The following PDIA2 variants were observed in gnomAD, a reference collection of about 807,000 sequenced individuals.
The protein encoded by PDIA2 is protein disulfide isomerase family A member 2, also known as protein disulfide-isomerase A2.
A neutral mutation model predicts 51.1 loss-of-function variants in PDIA2; 76 were observed. The observed-to-expected ratio is 1.49, with a 90% CI of 1.24 to 1.80. The LOEUF is 1.80. PDIA2 is among the 40% of genes most tolerant of loss of function. PDIA2 has a pLI of 0.00. For synonymous variants in PDIA2, 429 were observed against 309.9 expected (o/e 1.38, Z -4.04); for missense variants, 946 against 706.5 (o/e 1.34, Z -3.84).
rs201535947 is a variant in PDIA2, at chr16:284,742, G to A, written c.490G>A (p.Ala164Thr). 1.3e-5 allele frequency: 20 copies of A among 1,561,702 alleles called. No individual in the cohort carries two copies. In the East Asian group the frequency reaches 1.4e-4, roughly 11 times the overall value. The change falls in exon 3 of 11, where the codon GCC becomes ACC. Residue 164 changes from alanine (A) to threonine (T), a missense_variant. By Grantham distance (58) the Ala-to-Thr change is moderately conservative. Coordinates refer to ENST00000219406, the MANE Select transcript of PDIA2 (RefSeq NM_006849.4). ...CATGCGGCTGGAGGACGAGGCGGCC[G>A]CCCAGGCGCTGATCGGTGGCCGGGA... is the stretch of plus-strand genomic sequence containing the variant. ...SAMRLEDEAA[A>T]QALIGGRDLV...
At chr16:285,745 T>A (rs764971817) in intron 7 of PDIA2, 42 bp downstream of exon 7, 3 of 1,588,554 alleles carry the variant, frequency 1.9e-6, no homozygotes. Flanking sequence ...AACCCTGACC[T>A]CATCCCACCA....
chr16:283,253 C>T lies in PDIA2; in HGVS notation c.84C>T (p.Ser28=), dbSNP rs745460507. The change falls in exon 1 of 11, where the codon AGC becomes AGT. Residue 28 remains serine, a synonymous_variant. Coordinates refer to ENST00000219406, the MANE Select transcript of PDIA2 (RefSeq NM_006849.4). ...CPWGQEQGAR[S]PSEEPPEEEI... The stretch of plus-strand genomic sequence containing the variant: ...GGGGTCAGGAACAGGGAGCGAGGAG[C>T]CCCTCGGAGGAGCCTCCAGAGGAGG... 9 of 1,610,672 alleles carry T rather than the reference C, an allele frequency of 5.6e-6. No individual in the cohort carries two copies. The highest frequency in any genetic ancestry group is 1.1e-5 in the South Asian group (1 of 90,844).
chr16:283,421 A>G (rs1310246345), intron 1 of PDIA2, 53 bp downstream of exon 1: 1 of 1,503,540 alleles, frequency 6.7e-7, no homozygotes, highest in Non-Finnish European at 8.9e-7. Flanking sequence ...GGCAGAGCCC[A>G]CCTGGGGGCC....
At chr16:284,342 C>T (rs1051956545) in intron 1 of PDIA2, 45 bp from the exon 2 acceptor site, 10 of 1,511,676 alleles carry the variant, frequency 6.6e-6, no homozygotes, top group Admixed American at 5.9e-5. Context: ...AGAGGGTGCT[C>T]CTGGGGTTGT....
At chr16:284,614 TG>T (rs759907624) in intron 2 of PDIA2, 21 bp downstream of exon 2, 102 of 1,589,640 alleles carry the variant, frequency 6.4e-5, no homozygotes, top group Non-Finnish European at 7.8e-5. Context: ...GGCCGGTCAT[TG>T]GGGGGGCGGT....
At position 285,111 on chromosome 16, in the gene PDIA2, G is replaced by A. The variant is rs770087656; in HGVS notation, c.706G>A (p.Val236Met). The A allele has an allele frequency of 7.1e-5, 114 of 1,612,920 alleles. No homozygotes were observed. Among genetic ancestry groups the A allele is most frequent in the Non-Finnish European group, 8.6e-5 (101 of 1,179,998 alleles). Reference sequence around the variant, plus strand: ...TGATGAGGGGCGGGCAGACTTCCCCGTGGACGAGGAGCTTGGCCTGGACCT... The same window carrying A: ...TGATGAGGGGCGGGCAGACTTCCCCATGGACGAGGAGCTTGGCCTGGACCT... ...KFDEGRADFP[V>M]DEELGLDLGD... Residue 236 changes from valine (V) to methionine (M), a missense_variant, in exon 5 of 11, where the codon GTG (valine) becomes ATG (methionine). Physicochemically the swap from Val to Met is conservative, Grantham distance 21. Transcript: ENST00000219406.
rs771812118 is a variant in PDIA2, at chr16:285,236, C to T, written c.795+36C>T. ...TGCAGTGCCTGGGCTGGGGGTGTCC[C>T]AGGGTAGAGTCGTCCAGGGATGGGG... On this transcript the variant is annotated intron_variant, in intron 5 of 10. Coordinates refer to ENST00000219406, the MANE Select transcript of PDIA2 (RefSeq NM_006849.4). 1.1e-4 allele frequency: 180 copies of T among 1,612,666 alleles called. 1 individual carries two copies. In the East Asian group the frequency reaches 3.5e-3, roughly 32 times the overall value.
Position 283,193 on chromosome 16 carries a change from ACTGCTGCTG to A in PDIA2, c.33_41del (p.Leu12_Leu14del). On this transcript the variant is annotated inframe_deletion, in exon 1 of 11. Coordinates refer to ENST00000219406, the MANE Select transcript of PDIA2 (RefSeq NM_006849.4). ...CCATGAGCCGCCAGCTTCTGCCTGT[ACTGCTGCTG>A]CTGCTGCTCAGGGCTTCGTGCCCAT... 3 of 1,592,788 alleles carry A rather than the reference ACTGCTGCTG, an allele frequency of 1.9e-6. No homozygotes were observed. Among genetic ancestry groups the A allele is most frequent in the Non-Finnish European group, 2.6e-6 (3 of 1,169,948 alleles).
chr16:284,727 G>C lies in PDIA2; in HGVS notation c.475G>C (p.Glu159Gln). 1 of 1,568,718 alleles carries C rather than the reference G, an allele frequency of 6.4e-7. No individual in the cohort carries two copies. ...GGTGGGGCCCAGTGCCATGCGGCTG[G>C]AGGACGAGGCGGCCGCCCAGGCGCT... ...RRVGPSAMRL[E>Q]DEAAAQALIG... is the part of the protein sequence containing the mutation. The change falls in exon 3 of 11, where the codon GAG becomes CAG. Residue 159 changes from glutamate to glutamine, a missense_variant. Transcript: ENST00000219406.
At chr16:283,927 C>T (rs533798405) in intron 1 of PDIA2, among the ~76,000 whole-genome samples, 17 of 152,264 alleles carry the variant, frequency 1.1e-4, no homozygotes, top group Non-Finnish European at 2.9e-5. Flanking sequence ...TGCAGTGGCC[C>T]TATCTCGGCT....
At chr16:284,126 C>A in intron 1 of PDIA2, 1 of 554,286 alleles carries the variant, frequency 1.8e-6, no homozygotes, top group Non-Finnish European at 3.3e-6. Flanking sequence ...CCTCTGCCTC[C>A]CAAAGTGCTG....
intron 7 of PDIA2, among the ~76,000 whole-genome samples, 199 bp downstream of exon 7, chr16:285,902 TCCCAACCCCAACCCCGCGGTTCTCCCAAC>T (rs1405527468): frequency 0.05 from 2,096 of 42,024 alleles, 227 homozygotes; most frequent in African/African-American, 0.26. Context: ...CCCGCGGTTC[TCCCAACCCCAACCCCGCGGTTCTCCCAAC>T]CCCAACCCCA....
rs755639061 is a variant in PDIA2 at position 283,338 on chromosome 16, C to CG, written c.172dup (p.Glu58GlyfsTer53). ...CCGCCACACCCTGGGCCTGGCCCTG[C>CG]GGGAGCACCCTGCCCTGCTGGTGGA... On this transcript the variant is annotated frameshift_variant, in exon 1 of 11. Transcript: ENST00000219406. LOFTEE classifies it high-confidence loss of function. The CG allele has an allele frequency of 1.2e-6, 2 of 1,607,044 alleles. No homozygotes were observed. Among genetic ancestry groups the CG allele is most frequent in the Non-Finnish European group, 1.7e-6 (2 of 1,177,238 alleles).
chr16:286,315 A>C, intron 7 of PDIA2, 38 bp from the exon 8 acceptor site: 1 of 1,513,858 alleles, frequency 6.6e-7, no homozygotes, highest in Admixed American at 1.8e-5. Context: ...AACCCTGCAG[A>C]GGACCCCTGG....
Position 286,407 on chromosome 16 carries a change from A to G in PDIA2, c.1174A>G (p.Thr392Ala), listed in dbSNP as rs2052380208. The G allele has an allele frequency of 6.2e-7, 1 of 1,611,518 alleles. No individual in the cohort carries two copies. The highest frequency in any genetic ancestry group is 8.5e-7 in the Non-Finnish European group (1 of 1,179,580). Residue 392 changes from threonine (T) to alanine (A), a missense_variant, in exon 8 of 11, where the codon ACC (threonine) becomes GCC (alanine). Transcript: ENST00000219406. Reference protein sequence around the residue: ...PPDWDQRPVKTLVGKNFEQVA... With the variant: ...PPDWDQRPVKALVGKNFEQVA... ...TGATTGGGATCAGCGGCCAGTTAAG[A>G]CCCTCGTGGGCAAGAATTTTGAGCA...
Position 284,889 on chromosome 16 carries a change from CG to C in PDIA2, c.553del (p.Glu185ArgfsTer16). 6.2e-7 allele frequency: 1 copy of C among 1,612,602 alleles called. No homozygotes were observed. The highest frequency in any genetic ancestry group is 8.5e-7 in the Non-Finnish European group (1 of 1,179,652). ...GCCAGGCCCCTCAGGACCTGCAGGA[CG>C]AGGACGTGGCCACCTTCTTGGCCTT... ...VIGFFQDLQD[E>X]DVATFLALAQ... On this transcript the variant is annotated frameshift_variant, in exon 4 of 11. Coordinates refer to ENST00000219406, the MANE Select transcript of PDIA2 (RefSeq NM_006849.4). LOFTEE classifies it high-confidence loss of function.
rs372266436 is a variant in PDIA2 at position 284,393 on chromosome 16, C to T, written c.206C>T (p.Pro69Leu). The change falls in exon 2 of 11, where the codon CCG becomes CTG. Residue 69 changes from proline (P) to leucine (L), a missense_variant. Physicochemically the swap from Pro to Leu is moderately conservative, Grantham distance 98. Transcript: ENST00000219406. ...HPALLVEFYA[P>L]WCGHCQALAP... The stretch of plus-strand genomic sequence containing the variant: ...TCACGGCCCCATCCCCCAGATGCCC[C>T]GTGGTGTGGGCACTGCCAGGCCCTG... 56 of 1,557,178 alleles carry T rather than the reference C, an allele frequency of 3.6e-5. No homozygotes were observed. The highest frequency in any genetic ancestry group is 1.6e-4 in the African/African-American group (12 of 73,974).
rs774230086 is a variant in PDIA2, at chr16:284,579, C to G, written c.392C>G (p.Pro131Arg). 1 of 1,612,018 alleles carries G rather than the reference C, an allele frequency of 6.2e-7. No individual in the cohort carries two copies. Among genetic ancestry groups the G allele is most frequent in the South Asian group, 1.1e-5 (1 of 90,866 alleles). Residue 131 changes from proline (P) to arginine (R), a missense_variant, in exon 2 of 11, where the codon CCG (proline) becomes CGG (arginine). Physicochemically the swap from Pro to Arg is moderately radical, Grantham distance 103. Coordinates refer to ENST00000219406, the MANE Select transcript of PDIA2 (RefSeq NM_006849.4). Reference protein sequence around the residue: ...KFFRNGNRTHPEEYTGPRDAE... With the variant: ...KFFRNGNRTHREEYTGPRDAE... ...TTCCGCAATGGGAACCGCACGCACC[C>G]GGAGGAGTACACAGGTGAGGGGCAG...
Position 285,433 on chromosome 16 carries a change from G to T in PDIA2, c.917G>T (p.Gly306Val). 1 of 1,611,008 alleles carries T rather than the reference G, an allele frequency of 6.2e-7. No homozygotes were observed. Among genetic ancestry groups the T allele is most frequent in the Non-Finnish European group, 8.5e-7 (1 of 1,179,444 alleles). Residue 306 changes from glycine (G) to valine (V), a missense_variant, in exon 6 of 11, where the codon GGG becomes GTG. Coordinates refer to ENST00000219406, the MANE Select transcript of PDIA2 (RefSeq NM_006849.4). The part of the protein sequence containing the change: ...GFGEAAPRFR[G>V]QVLFVVVDVA... ...GGGGAGGCAGCTCCCCGCTTCCGGG[G>T]GCAGGTACTGGGGGGCTGGGGGAAA...
Sources: gnomAD v4.1 joint callset for allele counts (sites outside exome capture counted in the v4.1 genomes callset) on GRCh38, gnomAD v4.1.1 for gene constraint, MANE v1.5 for transcripts, NCBI Gene and HGNC (gene_info 2026-07-23, HGNC 2026-07-21) for gene names.